Variants in ST18 observed in about 807,000 individuals in gnomAD.
ST18 encodes suppression of tumorigenicity 18 protein.
A neutral mutation model predicts 110.0 loss-of-function variants in ST18; 50 were observed. The observed-to-expected ratio is 0.45, with a 90% CI of 0.36 to 0.58. The LOEUF (loss-of-function observed/expected upper bound fraction) is 0.58, where lower values mean the gene tolerates loss of function less well. Ranked by LOEUF, ST18 falls within the 20% of genes least tolerant of loss-of-function variation. The pLI is 0.00. For synonymous variants in ST18, 461 were observed against 452.4 expected (o/e 1.02, Z -0.24); for missense variants, 1,306 against 1,280.1 (o/e 1.02, Z -0.31).
At chr8:52,251,565 C>T (rs16917564) in intron 2 of ST18, among the ~76,000 whole-genome samples, 12,953 of 151,892 alleles carry the variant, frequency 0.085, 602 homozygotes, top group East Asian at 0.16. Context: ...AAAATCAACA[C>T]CGCATTGACT....
chr8:52,357,875 G>C (rs535327580), intron 2 of ST18, among the ~76,000 whole-genome samples: 1 of 150,516 alleles, frequency 6.6e-6, no homozygotes, highest in South Asian at 2.1e-4. Flanking sequence ...TGTCTAGAGC[G>C]CTCCACCTCA....
At chr8:52,312,414 C>T (rs1399018825) in intron 2 of ST18, among the ~76,000 whole-genome samples, 1 of 152,184 alleles carries the variant, frequency 6.6e-6, no homozygotes, top group African/African-American at 2.4e-5. Flanking sequence ...ACTACCTCAA[C>T]TACGATAAAT....
In ST18 at chr8:52,236,175, T is replaced by C. The variant is rs150228164; in HGVS notation, c.-464-6098A>G. Reference sequence around the variant, plus strand: ...CAGCAATTGCTGCAGTCTCTGTACATTGACACTGATGAAGGCATCGGACTA... The same window carrying C: ...CAGCAATTGCTGCAGTCTCTGTACACTGACACTGATGAAGGCATCGGACTA... On this transcript the variant is annotated intron_variant, in intron 2 of 25. Coordinates refer to ENST00000689386, the MANE Select transcript of ST18 (RefSeq NM_001352837.2). Among the ~76,000 whole-genome samples, 270 of 152,264 alleles carry C rather than the reference T, an allele frequency of 1.8e-3. 1 individual carries two copies. The highest frequency in any genetic ancestry group is 6.2e-3 in the African/African-American group (258 of 41,558).
intron 24 of ST18, 119 bp from the exon 25 acceptor site, chr8:52,116,537 C>T (rs956431622): frequency 3.2e-5 from 31 of 963,058 alleles, no homozygotes; most frequent in East Asian, 2.9e-4. Flanking sequence ...GAGATGCATG[C>T]GTGTAACTTC....
chr8:52,168,214 C>A (rs879672758), intron 10 of ST18, among the ~76,000 whole-genome samples: 56 of 148,878 alleles, frequency 3.8e-4, no homozygotes, highest in Admixed American at 1.3e-4. Flanking sequence ...AGGAGGCTAT[C>A]GGGGTCTGCA....
rs1452564204 is a variant in ST18 at position 52,111,344 on chromosome 8, G to A, written c.*1854C>T. ...TGTTTGCAAGTACACAACTGTAATA[G>A]AAAATTTTGTTTGGTGTCCCATTTA... On this transcript the variant is annotated 3_prime_UTR_variant, in exon 26 of 26. Transcript: ENST00000689386. The A allele has an allele frequency of 5.1e-6, 1 of 196,852 alleles. No homozygotes were observed. Among genetic ancestry groups the A allele is most frequent in the East Asian group, 1.1e-4 (1 of 9,278 alleles). 12.2% of individuals were successfully genotyped at this position (196,852 alleles called of 1,614,324 possible). A position where few individuals can be genotyped will look rare whatever the true frequency, so the allele number is the denominator to read the frequency against.
At chr8:52,307,937 G>C (rs930806572) in intron 2 of ST18, among the ~76,000 whole-genome samples, 1 of 152,202 alleles carries the variant, frequency 6.6e-6, no homozygotes, top group African/African-American at 2.4e-5. Flanking sequence ...GAAGTGAAGA[G>C]AGAAGCAAAT....
intron 14 of ST18, 55 bp downstream of exon 14, chr8:52,161,320 T>C (rs2061402659): frequency 1.9e-6 from 3 of 1,576,080 alleles, no homozygotes; most frequent in Non-Finnish European, 2.6e-6. Flanking sequence ...AGTACACACA[T>C]ACACCCATAC....
chr8:52,144,694 C>T (rs2132187385), intron 16 of ST18, among the ~76,000 whole-genome samples: 1 of 152,026 alleles, frequency 6.6e-6, no homozygotes, highest in South Asian at 2.1e-4. Flanking sequence ...AAAACAGAAG[C>T]CGATAAAAAG....
chr8:52,286,686 C>T (rs1037081193), intron 2 of ST18, among the ~76,000 whole-genome samples: 5 of 151,578 alleles, frequency 3.3e-5, no homozygotes, highest in Non-Finnish European at 5.9e-5. Flanking sequence ...GTTTTCCTCA[C>T]GTTTGAAACC....
At chr8:52,218,388 CTT>C (rs377312658) in intron 5 of ST18, among the ~76,000 whole-genome samples, 5 of 141,834 alleles carry the variant, frequency 3.5e-5, no homozygotes, top group Admixed American at 7.1e-5. Context: ...CTTTTTTTTT[CTT>C]TTTTTTTTTG....
intron 15 of ST18, among the ~76,000 whole-genome samples, chr8:52,156,259 G>T (rs1197608200): frequency 1.3e-5 from 2 of 152,198 alleles, no homozygotes; most frequent in African/African-American, 4.8e-5. Flanking sequence ...AGAGACCTTT[G>T]GTTGGTTCAG....
chr8:52,332,530 CTTTT>C (rs140331895), intron 2 of ST18, among the ~76,000 whole-genome samples: 30 of 49,800 alleles, frequency 6.0e-4, no homozygotes, highest in African/African-American at 1.8e-3. Flanking sequence ...TCTAATGTAG[CTTTT>C]TTTTTTTTTT....
chr8:52,136,526 G>T, intron 19 of ST18, 64 bp downstream of exon 19: 3 of 1,477,506 alleles, frequency 2.0e-6, no homozygotes, highest in African/African-American at 1.4e-5. Context: ...CAATGAATGG[G>T]CACTGAACGA....
rs759507915 is a variant in ST18, at chr8:52,149,781, G to C, written c.2003C>G (p.Thr668Ser). The change falls in exon 16 of 26, where the codon ACT (threonine) becomes AGT (serine). Residue 668 changes from threonine to serine, a missense_variant. Coordinates refer to ENST00000689386, the MANE Select transcript of ST18 (RefSeq NM_001352837.2). ...GTGAGTTTTGCTATAGTTGATAGGA[G>C]TGTCCCAGCCCTCTTGGTCACAAAG... is the stretch of plus-strand genomic sequence containing the variant. ...QALCDQEGWD[T>S]PINYSKTHGK... is the part of the protein sequence containing the mutation. The C allele has an allele frequency of 6.2e-7, 1 of 1,614,162 alleles. No homozygotes were observed. Among genetic ancestry groups the C allele is most frequent in the Non-Finnish European group, 8.5e-7 (1 of 1,180,016 alleles).
chr8:52,374,081 G>A (rs1831247683), intron 2 of ST18, among the ~76,000 whole-genome samples: 1 of 152,122 alleles, frequency 6.6e-6, no homozygotes. Flanking sequence ...CCAATCCAAA[G>A]ATAACTTCCA....
intron 2 of ST18, among the ~76,000 whole-genome samples, chr8:52,377,936 G>A (rs1833034526): frequency 6.6e-6 from 1 of 152,174 alleles, no homozygotes; most frequent in Non-Finnish European, 1.5e-5. Flanking sequence ...ATAAGATTCT[G>A]TCATTTGCAG....
At chr8:52,318,431 C>G (rs756155049) in intron 2 of ST18, among the ~76,000 whole-genome samples, 16 of 152,132 alleles carry the variant, frequency 1.1e-4, no homozygotes, top group African/African-American at 3.6e-4. Context: ...GAAAAAGGAA[C>G]GCTTTTACAC....
At chr8:52,276,032 C>CACAA (rs1589528815) in intron 2 of ST18, among the ~76,000 whole-genome samples, 1 of 14,424 alleles carries the variant, frequency 6.9e-5, no homozygotes, top group African/African-American at 2.2e-4. Context: ...CCCACACACA[C>CACAA]ACCACATGCA....
Sources: allele counts gnomAD v4.1 joint callset (sites outside exome capture counted in the v4.1 genomes callset), GRCh38; gene constraint gnomAD v4.1.1; transcripts MANE v1.5; gene names NCBI Gene and HGNC (gene_info 2026-07-23, HGNC 2026-07-21).